Variants in KATNAL2 observed in about 807,000 individuals in gnomAD.
KATNAL2 encodes the protein katanin p60 ATPase-containing subunit A-like 2.
Under a neutral mutation model 76.3 loss-of-function variants are expected in KATNAL2, and 52 were observed. The observed-to-expected ratio is 0.68, with a 90% CI of 0.55 to 0.86. KATNAL2 has a LOEUF of 0.86. KATNAL2 is among the 40% of genes least tolerant of loss of function. The pLI, the probability that KATNAL2 is intolerant of heterozygous loss-of-function variation, is 0.00. For synonymous variants in KATNAL2, 243 were observed against 244.2 expected (o/e 1.00, Z 0.05); for missense variants, 660 against 668.9 (o/e 0.99, Z 0.15).
intron 3 of KATNAL2, among the ~76,000 whole-genome samples, chr18:47,043,224 T>A (rs7238916): frequency 8.3e-6 from 1 of 120,298 alleles, no homozygotes; most frequent in African/African-American, 3.1e-5. Flanking sequence ...GAGACTCCGT[T>A]TCAAAAAAAA....
chr18:47,095,533 G>C (rs1477186236), intron 15 of KATNAL2, among the ~76,000 whole-genome samples: 1 of 152,184 alleles, frequency 6.6e-6, no homozygotes, highest in Non-Finnish European at 1.5e-5. Flanking sequence ...AGGCCATGTG[G>C]AACTGTGAGT....
rs772872207 is a variant in KATNAL2 at position 47,069,206 on chromosome 18, C to T, written c.826-14C>T. ...GTTGGTACCAAACCTCATCCTTGTT[C>T]CTTGTTTCCTTAGTATCCACAGCTA... On this transcript the variant is annotated splice_polypyrimidine_tract_variant and intron_variant, in intron 11 of 17. Transcript: ENST00000683218. 3 of 1,600,780 alleles carry T rather than the reference C, an allele frequency of 1.9e-6. No individual in the cohort carries two copies. Among genetic ancestry groups the T allele is most frequent in the Admixed American group, 3.4e-5 (2 of 59,218 alleles).
intron 1 of KATNAL2, among the ~76,000 whole-genome samples, chr18:46,922,478 A>G (rs1020176500): frequency 1.1e-4 from 16 of 152,028 alleles, no homozygotes; most frequent in African/African-American, 3.9e-4. Context: ...CCTTTTAAAA[A>G]AAAAAACCAA....
chr18:47,056,757 C>T (rs2061481478), intron 6 of KATNAL2, among the ~76,000 whole-genome samples: 1 of 152,012 alleles, frequency 6.6e-6, no homozygotes. Flanking sequence ...ATATAGAATC[C>T]CTGTTTCCTG....
intron 15 of KATNAL2, among the ~76,000 whole-genome samples, chr18:47,091,579 T>C (rs1032212724): frequency 6.6e-6 from 1 of 152,200 alleles, no homozygotes; most frequent in Non-Finnish European, 1.5e-5. Context: ...TATATGATTA[T>C]TGATGTCATG....
chr18:47,054,736 C>G (rs1435949960), intron 6 of KATNAL2: 2 of 333,084 alleles, frequency 6.0e-6, no homozygotes, highest in Admixed American at 9.3e-5. Flanking sequence ...CAACTCCTGG[C>G]TCTGCTATTT....
chr18:46,921,122 T>A (rs2058515262), intron 1 of KATNAL2, among the ~76,000 whole-genome samples: 1 of 152,184 alleles, frequency 6.6e-6, no homozygotes, highest in African/African-American at 2.4e-5. Context: ...GTTTGTTTGT[T>A]TTTTGTTTCT....
intron 3 of KATNAL2, among the ~76,000 whole-genome samples, chr18:46,967,599 G>A: frequency 8.8e-6 from 1 of 114,206 alleles, no homozygotes; most frequent in East Asian, 2.2e-4. Context: ...TCTGGCACAC[G>A]GACCTGTGAT....
intron 3 of KATNAL2, among the ~76,000 whole-genome samples, chr18:47,040,890 T>A (rs2060940342): frequency 6.6e-6 from 1 of 152,238 alleles, no homozygotes; most frequent in African/African-American, 2.4e-5. Context: ...GGGGGAAGAC[T>A]GTGGTCATTA....
chr18:47,094,990 A>C (rs1169132274), intron 15 of KATNAL2, among the ~76,000 whole-genome samples: 1 of 152,154 alleles, frequency 6.6e-6, no homozygotes, highest in African/African-American at 2.4e-5. Flanking sequence ...GTAGAAGAAG[A>C]TACTGCCAAG....
At chr18:46,922,113 T>G (rs890002710) in intron 1 of KATNAL2, among the ~76,000 whole-genome samples, 2 of 151,644 alleles carry the variant, frequency 1.3e-5, no homozygotes, top group Non-Finnish European at 2.9e-5. Context: ...TTTTTTTTTT[T>G]TTTTTGAGAC....
intron 15 of KATNAL2, among the ~76,000 whole-genome samples, chr18:47,094,123 T>C (rs1193804675): frequency 6.6e-6 from 1 of 152,176 alleles, no homozygotes; most frequent in African/African-American, 2.4e-5. Flanking sequence ...GGAGGCAGTT[T>C]GGTCTCTCTT....
At chr18:47,033,344 T>C in intron 3 of KATNAL2, 1 of 1,613,978 alleles carries the variant, frequency 6.2e-7, no homozygotes, top group African/African-American at 1.3e-5. Flanking sequence ...AAACAGATCA[T>C]CTTTGCCTCT....
At position 47,075,289 on chromosome 18, in the gene KATNAL2, C is replaced by T; in HGVS notation, c.1021C>T (p.Leu341Phe). 6.4e-7 allele frequency: 1 copy of T among 1,556,880 alleles called. No homozygotes were observed. ...TTCCCCCACCCAGGTGTTATTTGAGCTTGCCCGCTACCACGCCCCATCCAC... is the reference window on the plus strand; with the variant it reads ...TTCCCCCACCCAGGTGTTATTTGAGTTTGCCCGCTACCACGCCCCATCCAC... ...SEKLVRVLFELARYHAPSTIF... is the reference protein window; with the variant it reads ...SEKLVRVLFEFARYHAPSTIF... The change falls in exon 14 of 18, where the codon CTT becomes TTT. Residue 341 changes from leucine (L) to phenylalanine (F), a missense_variant. Transcript: ENST00000683218.
intron 1 of KATNAL2, among the ~76,000 whole-genome samples, chr18:46,932,299 T>C (rs2058951055): frequency 1.3e-5 from 2 of 152,130 alleles, no homozygotes; most frequent in African/African-American, 4.8e-5. Flanking sequence ...TCTGCAGAAA[T>C]TTTAAAATAA....
intron 15 of KATNAL2, among the ~76,000 whole-genome samples, chr18:47,085,290 T>G (rs1247173230): frequency 6.6e-6 from 1 of 152,210 alleles, no homozygotes; most frequent in Non-Finnish European, 1.5e-5. Context: ...TAGAAGATTA[T>G]GGCAGTGAAA....
intron 1 of KATNAL2, among the ~76,000 whole-genome samples, chr18:46,927,490 C>T (rs1331479951): frequency 1.3e-5 from 2 of 152,000 alleles, no homozygotes; most frequent in South Asian, 2.1e-4. Context: ...GTGGGTAACC[C>T]GACCTTTCTC....
intron 3 of KATNAL2, among the ~76,000 whole-genome samples, chr18:46,961,268 T>C (rs1354078364): frequency 7.9e-6 from 1 of 127,310 alleles, no homozygotes; most frequent in African/African-American, 3.1e-5. Context: ...TCTTAAAAAC[T>C]AGGCAAGGTG....
At chr18:47,033,426 G>A (rs750520652) in intron 3 of KATNAL2, 5 of 1,613,638 alleles carry the variant, frequency 3.1e-6, no homozygotes, top group Non-Finnish European at 4.2e-6. Flanking sequence ...GCTCTGGGGC[G>A]TCCGGAAGCC....
Sources: allele counts gnomAD v4.1 joint callset (sites outside exome capture counted in the v4.1 genomes callset), GRCh38; gene constraint gnomAD v4.1.1; transcripts MANE v1.5; gene names NCBI Gene and HGNC (gene_info 2026-07-23, HGNC 2026-07-21).